M1AP: variants seen among roughly 807,000 people sequenced by gnomAD.
M1AP encodes the protein meiosis 1 associated protein.
A neutral mutation model predicts 51.2 loss-of-function variants in M1AP; 39 were observed. That is an observed-to-expected ratio of 0.76 (90% CI 0.59 to 1.00). M1AP has a LOEUF of 1.00. M1AP is among the 50% of genes least tolerant of loss of function. The probability of loss-of-function intolerance (pLI) is 0.00; values close to 1 mark genes in which losing one functional copy is unlikely to be tolerated. For missense variants in M1AP, 545 were observed against 641.2 expected, an observed-to-expected ratio of 0.85 and a Z score of 1.62; for synonymous variants, 251 against 249.2, an observed-to-expected ratio of 1.01 and a Z score of -0.07.
chr2:74,610,311 C>T (rs935521504), intron 3 of M1AP, among the ~76,000 whole-genome samples: 2 of 151,772 alleles, frequency 1.3e-5, no homozygotes, highest in Non-Finnish European at 2.9e-5. Flanking sequence ...ACCTGGCCCA[C>T]TTCAATCTTT....
intron 4 of M1AP, among the ~76,000 whole-genome samples, chr2:74,594,030 A>C (rs1161007487): frequency 6.6e-6 from 1 of 152,194 alleles, no homozygotes; most frequent in Admixed American, 6.5e-5. Context: ...ACCTTGCACT[A>C]TACACATATG....
At chr2:74,572,350 G>A (rs1312736890) in intron 7 of M1AP, among the ~76,000 whole-genome samples, 1 of 152,138 alleles carries the variant, frequency 6.6e-6, no homozygotes, top group African/African-American at 2.4e-5. Flanking sequence ...CCCCTAAGCA[G>A]TGTCTCCCTC....
chr2:74,636,519 GTTTC>G (rs1177018793), intron 2 of M1AP, among the ~76,000 whole-genome samples: 1 of 151,720 alleles, frequency 6.6e-6, no homozygotes, highest in East Asian at 1.9e-4. Flanking sequence ...TCTGTTTTTA[GTTTC>G]TTTGTTTTCT....
chr2:74,561,217 A>AGGAGG (rs1677970029), intron 8 of M1AP, among the ~76,000 whole-genome samples: 1 of 24,736 alleles, frequency 4.0e-5, no homozygotes, highest in Non-Finnish European at 1.0e-4. Flanking sequence ...GGAGGAGGAG[A>AGGAGG]AGGAGGAGGA....
chr2:74,626,372 C>T (rs761108232), intron 2 of M1AP, among the ~76,000 whole-genome samples: 1 of 151,800 alleles, frequency 6.6e-6, no homozygotes, highest in Non-Finnish European at 1.5e-5. Flanking sequence ...TCGCCTCAGC[C>T]ACCTGAGTAG....
rs956996083 is a variant in M1AP, at chr2:74,558,733, C to T, written c.1576G>A (p.Asp526Asn). ...AFFLPSEWEK[D>N]PSRP ...CTGGTGACTTAGGGCCTTGAGGGAT[C>T]CTTCTCCCACTCTGAAGGCAGGAAG... Residue 526 changes from aspartate to asparagine, a missense_variant, in exon 11 of 11, where the codon GAT becomes AAT. Transcript: ENST00000421985. 1.6e-5 allele frequency: 26 copies of T among 1,612,172 alleles called. No individual in the cohort carries two copies. The highest frequency in any genetic ancestry group is 2.1e-5 in the Non-Finnish European group (25 of 1,179,358).
intron 1 of M1AP, among the ~76,000 whole-genome samples, chr2:74,644,463 A>G (rs1217130423): frequency 6.6e-6 from 1 of 151,670 alleles, no homozygotes; most frequent in Non-Finnish European, 1.5e-5. Flanking sequence ...GCTGGAACCC[A>G]GGAGGCGGAG....
chr2:74,581,453 G>A (rs1242785428), intron 5 of M1AP, among the ~76,000 whole-genome samples: 1 of 152,152 alleles, frequency 6.6e-6, no homozygotes, highest in Non-Finnish European at 1.5e-5. Flanking sequence ...TAAACTAACT[G>A]GCCCTTGCTG....
rs368959217 is a variant in M1AP at position 74,582,131 on chromosome 2, C to T, written c.596-284G>A. Among the ~76,000 whole-genome samples, 14 of 152,264 alleles carry T rather than the reference C, an allele frequency of 9.2e-5. No individual in the cohort carries two copies. In the East Asian group the frequency reaches 1.5e-3, roughly 17 times the overall value. On this transcript the variant is annotated intron_variant, in intron 4 of 10. Transcript: ENST00000421985. Reference sequence around the variant, plus strand: ...AAACTTTTTTTTAGAGATGAGGTCTCGCTATGTTGCTCAGGCTGGTCTCTA... The same window carrying T: ...AAACTTTTTTTTAGAGATGAGGTCTTGCTATGTTGCTCAGGCTGGTCTCTA...
intron 2 of M1AP, chr2:74,628,624 C>T (rs1682534347): frequency 1.5e-6 from 1 of 661,090 alleles, no homozygotes; most frequent in African/African-American, 1.8e-5. Context: ...TTTCTAGATT[C>T]AAACACCCAA....
At chr2:74,631,899 TG>T (rs1466723371) in intron 2 of M1AP, among the ~76,000 whole-genome samples, 3 of 152,218 alleles carry the variant, frequency 2.0e-5, no homozygotes, top group African/African-American at 7.2e-5. Flanking sequence ...ATTTCCCACA[TG>T]GTATCTTTCT....
intron 2 of M1AP, among the ~76,000 whole-genome samples, chr2:74,628,131 T>C (rs1429672669): frequency 6.6e-6 from 1 of 152,216 alleles, no homozygotes; most frequent in Non-Finnish European, 1.5e-5. Context: ...CCAACATACT[T>C]TCCATTCCCA....
chr2:74,571,510 A>G (rs896877374), intron 7 of M1AP, among the ~76,000 whole-genome samples: 2 of 152,256 alleles, frequency 1.3e-5, no homozygotes, highest in Non-Finnish European at 2.9e-5. Context: ...GAGTTAAAGA[A>G]GCATGGCAAA....
intron 7 of M1AP, among the ~76,000 whole-genome samples, chr2:74,572,709 A>T (rs1678822124): frequency 6.6e-6 from 1 of 152,196 alleles, no homozygotes; most frequent in Non-Finnish European, 1.5e-5. Flanking sequence ...AAAAGTTGGG[A>T]TAACAATCTC....
At chr2:74,640,015 A>G (rs1271931394) in intron 2 of M1AP, 21 bp downstream of exon 2, 2 of 1,603,118 alleles carry the variant, frequency 1.2e-6, no homozygotes, top group Admixed American at 3.4e-5. Flanking sequence ...GGGTAAAATG[A>G]ATAAATATAG....
intron 4 of M1AP, among the ~76,000 whole-genome samples, chr2:74,599,769 TACACACACACAG>T (rs374193897): frequency 3.7e-3 from 566 of 151,844 alleles, no homozygotes; most frequent in African/African-American, 0.013. Flanking sequence ...CTATATATAA[TACACACACACAG>T]ACACACACAC....
intron 8 of M1AP, among the ~76,000 whole-genome samples, chr2:74,561,668 C>T (rs1160201010): frequency 1.3e-5 from 2 of 152,090 alleles, no homozygotes; most frequent in African/African-American, 4.8e-5. Context: ...GTTCTGCTCT[C>T]CCTTGTCTAA....
intron 4 of M1AP, among the ~76,000 whole-genome samples, chr2:74,603,470 C>T (rs972928645): frequency 1.2e-4 from 19 of 152,048 alleles, no homozygotes; most frequent in Admixed American, 8.5e-4. Context: ...CAAGTGATGT[C>T]GTTGTTCTAA....
intron 4 of M1AP, among the ~76,000 whole-genome samples, chr2:74,583,509 A>G (rs1383502474): frequency 1.3e-5 from 2 of 152,240 alleles, no homozygotes; most frequent in African/African-American, 4.8e-5. Context: ...AAAGGTCATC[A>G]GTGAAAGCCA....
Sources: gnomAD v4.1 joint callset for allele counts (sites outside exome capture counted in the v4.1 genomes callset) on GRCh38, gnomAD v4.1.1 for gene constraint, MANE v1.5 for transcripts, NCBI Gene and HGNC (gene_info 2026-07-23, HGNC 2026-07-21) for gene names.